STAU2: variants seen among roughly 807,000 people sequenced by gnomAD.
STAU2 encodes the protein staufen double-stranded RNA binding protein 2.
In STAU2, 20 loss-of-function variants were observed where a neutral mutation model predicts 65.9. That is an observed-to-expected ratio of 0.30 (90% CI 0.21 to 0.44). The LOEUF (loss-of-function observed/expected upper bound fraction) is 0.44. Among genes scored for constraint, STAU2 ranks in the 20% least tolerant of loss-of-function variants. STAU2 has a pLI of 1.00. For synonymous variants in STAU2, 232 were observed against 233.9 expected, an observed-to-expected ratio of 0.99 and a Z score of 0.07; for missense variants, 558 against 683.9, an observed-to-expected ratio of 0.82 and a Z score of 2.05.
chr8:73,696,611 A>G (rs1218894950), intron 4 of STAU2, among the ~76,000 whole-genome samples: 1 of 152,250 alleles, frequency 6.6e-6, no homozygotes, highest in Admixed American at 6.5e-5. Context: ...GGACTACATC[A>G]AAGTCTCTTA....
intron 6 of STAU2, among the ~76,000 whole-genome samples, chr8:73,655,317 G>A (rs1816269141): frequency 1.3e-5 from 2 of 152,148 alleles, no homozygotes; most frequent in South Asian, 4.1e-4. Flanking sequence ...TCCAAAAACT[G>A]AACTATCATA....
intron 9 of STAU2, among the ~76,000 whole-genome samples, chr8:73,613,003 A>G (rs111481085): frequency 0.013 from 2,021 of 152,336 alleles, 37 homozygotes; most frequent in African/African-American, 0.044. Flanking sequence ...TTATTAATGT[A>G]AATAAATTCT....
chr8:73,472,096 G>A (rs1238249850), intron 13 of STAU2, among the ~76,000 whole-genome samples: 1 of 152,186 alleles, frequency 6.6e-6, no homozygotes, highest in African/African-American at 2.4e-5. Context: ...TCATCAGTGT[G>A]TGGTGTGATA....
chr8:73,658,722 G>A (rs1219723074), intron 6 of STAU2, among the ~76,000 whole-genome samples: 2 of 151,996 alleles, frequency 1.3e-5, no homozygotes, highest in Non-Finnish European at 2.9e-5. Context: ...AGACCAGCCT[G>A]GCCAACATGG....
chr8:73,486,655 ATAT>A (rs1402376414), intron 13 of STAU2, among the ~76,000 whole-genome samples: 410 of 78,206 alleles, frequency 5.2e-3, no homozygotes, highest in African/African-American at 7.3e-3. Flanking sequence ...ATATATATAT[ATAT>A]TTTTTTTTTT....
intron 13 of STAU2, among the ~76,000 whole-genome samples, chr8:73,447,222 G>T (rs960241111): frequency 6.6e-6 from 1 of 152,210 alleles, no homozygotes; most frequent in African/African-American, 2.4e-5. Context: ...GGGATTACAG[G>T]CATGAGCCAC....
At chr8:73,426,186 G>A (rs1227294907) in intron 13 of STAU2, among the ~76,000 whole-genome samples, 1 of 148,730 alleles carries the variant, frequency 6.7e-6, no homozygotes, top group African/African-American at 2.5e-5. Flanking sequence ...TTTTTTCAAT[G>A]ATAAATAATA....
At chr8:73,618,704 A>G (rs1197181658) in intron 6 of STAU2, among the ~76,000 whole-genome samples, 2 of 152,254 alleles carry the variant, frequency 1.3e-5, no homozygotes, top group Non-Finnish European at 2.9e-5. Flanking sequence ...CAATGCTGGA[A>G]GCAAGGATAT....
At chr8:73,448,373 T>A (rs1418788882) in intron 13 of STAU2, among the ~76,000 whole-genome samples, 4 of 152,122 alleles carry the variant, frequency 2.6e-5, no homozygotes, top group African/African-American at 9.7e-5. Context: ...AACTGCTGCC[T>A]CCCAGGTGCA....
chr8:73,541,340 G>C (rs1462629952), intron 13 of STAU2, among the ~76,000 whole-genome samples: 47 of 152,176 alleles, frequency 3.1e-4, no homozygotes, highest in Admixed American at 1.3e-4. Context: ...GAGACCATAA[G>C]AGAAAATGCT....
chr8:73,569,677 T>A (rs932831375), intron 12 of STAU2, among the ~76,000 whole-genome samples: 1 of 152,208 alleles, frequency 6.6e-6, no homozygotes, highest in Non-Finnish European at 1.5e-5. Flanking sequence ...CAGCCTCCAC[T>A]GGTGATACCC....
intron 13 of STAU2, among the ~76,000 whole-genome samples, chr8:73,486,681 T>A (rs1353839413): frequency 1.3e-5 from 2 of 148,824 alleles, no homozygotes; most frequent in African/African-American, 4.9e-5. Context: ...TGAGACAGGG[T>A]CTTGCTCTGT....
At chr8:73,478,034 G>GTATA (rs145818623) in intron 13 of STAU2, among the ~76,000 whole-genome samples, 18 of 142,446 alleles carry the variant, frequency 1.3e-4, no homozygotes, top group Admixed American at 4.1e-4. Flanking sequence ...ATATATATAT[G>GTATA]TATATATATA....
At chr8:73,584,191 G>A (rs1049045447) in intron 11 of STAU2, among the ~76,000 whole-genome samples, 3 of 152,116 alleles carry the variant, frequency 2.0e-5, no homozygotes, top group South Asian at 2.1e-4. Flanking sequence ...ATGAACTAGG[G>A]AGCATCTCTT....
intron 11 of STAU2, among the ~76,000 whole-genome samples, chr8:73,590,240 CA>C (rs1228549193): frequency 2.7e-5 from 4 of 147,024 alleles, no homozygotes; most frequent in Admixed American, 2.0e-4. Context: ...GAAAAGAGTA[CA>C]GGGGCAGAGG....
intron 3 of STAU2, among the ~76,000 whole-genome samples, chr8:73,712,453 T>C (rs1408781119): frequency 6.6e-6 from 1 of 152,184 alleles, no homozygotes; most frequent in Non-Finnish European, 1.5e-5. Context: ...CACTAGATAA[T>C]TGCATGGATT....
At chr8:73,708,434 CAT>C (rs1290003936) in intron 4 of STAU2, among the ~76,000 whole-genome samples, 2 of 151,984 alleles carry the variant, frequency 1.3e-5, no homozygotes, top group Non-Finnish European at 2.9e-5. Flanking sequence ...AGATTTGTAA[CAT>C]GTATATATGC....
At chr8:73,445,873 G>A (rs991718126) in intron 13 of STAU2, among the ~76,000 whole-genome samples, 7 of 152,224 alleles carry the variant, frequency 4.6e-5, no homozygotes, top group African/African-American at 1.4e-4. Flanking sequence ...AGCCACTTCT[G>A]ATGGGAATGT....
intron 13 of STAU2, among the ~76,000 whole-genome samples, chr8:73,512,615 T>C (rs1822470752): frequency 6.6e-6 from 1 of 152,110 alleles, no homozygotes; most frequent in Non-Finnish European, 1.5e-5. Flanking sequence ...TGTCTGTAAC[T>C]GAACTTGTTT....
Sources: allele counts gnomAD v4.1 joint callset (sites outside exome capture counted in the v4.1 genomes callset), GRCh38; gene constraint gnomAD v4.1.1; transcripts MANE v1.5; gene names NCBI Gene and HGNC (gene_info 2026-07-23, HGNC 2026-07-21).